SYNE1: variants seen among roughly 807,000 people sequenced by gnomAD.
SYNE1 encodes nesprin-1.
Under a neutral mutation model 1,111.0 loss-of-function variants are expected in SYNE1, and 616 were observed. The observed-to-expected ratio is 0.55, with a 90% CI of 0.52 to 0.59. SYNE1 has a LOEUF of 0.59. Ranked by LOEUF, SYNE1 falls within the 20% of genes least tolerant of loss-of-function variation. The probability of loss-of-function intolerance (pLI) is 0.00; values close to 1 mark genes in which losing one functional copy is unlikely to be tolerated. For synonymous variants in SYNE1, 3,855 were observed against 3,825.8 expected, an observed-to-expected ratio of 1.01 and a Z score of -0.28; for missense variants, 10,006 against 10,417.0, an observed-to-expected ratio of 0.96 and a Z score of 1.72.
chr6:152,493,747 G>A (rs1454997430), intron 11 of SYNE1, among the ~76,000 whole-genome samples: 3 of 151,668 alleles, frequency 2.0e-5, no homozygotes, highest in East Asian at 1.9e-4. Flanking sequence ...CCTGTTGATC[G>A]TGTCCGGCTA....
chr6:152,196,287 G>A (rs964148921), intron 127 of SYNE1, among the ~76,000 whole-genome samples: 1 of 152,046 alleles, frequency 6.6e-6, no homozygotes, highest in Non-Finnish European at 1.5e-5. Context: ...TGCTATGCTG[G>A]TACCTAAGTT....
intron 126 of SYNE1, among the ~76,000 whole-genome samples, 194 bp from the exon 127 acceptor site, chr6:152,202,143 T>A (rs1300408813): frequency 2.6e-5 from 4 of 151,748 alleles, no homozygotes; most frequent in Non-Finnish European, 5.9e-5. Context: ...GGTCAGGAGT[T>A]TGTAACCAGT....
chr6:152,282,562 C>T (rs2094100042), intron 96 of SYNE1, among the ~76,000 whole-genome samples: 1 of 151,908 alleles, frequency 6.6e-6, no homozygotes, highest in South Asian at 2.1e-4. Context: ...AAAAAAAAAT[C>T]GACGTCAATC....
Position 152,412,251 on chromosome 6 carries a change from C to T in SYNE1, c.6230+1101G>A, listed in dbSNP as rs148311123. ...CCTGGCTAACACGGTGAAACCCCAT[C>T]TCTACTAAAAATACAAAAAAAAATT... is the stretch of plus-strand genomic sequence containing the variant. On this transcript the variant is annotated intron_variant, in intron 42 of 145. Transcript: ENST00000367255. Among the ~76,000 whole-genome samples, 465 of 151,904 alleles carry T rather than the reference C, an allele frequency of 3.1e-3. 2 individuals carry two copies. Among genetic ancestry groups the T allele is most frequent in the Non-Finnish European group, 5.3e-3 (362 of 67,942 alleles).
rs1158056596 is a variant in SYNE1 at position 152,430,635 on chromosome 6, C to T, written c.4536G>A (p.Gln1512=). The T allele has an allele frequency of 6.2e-7, 1 of 1,614,142 alleles. No homozygotes were observed. The highest frequency in any genetic ancestry group is 1.7e-5 in the Admixed American group (1 of 60,024). ...GLEEEAQSFA[Q]FVTTGESARI... ...GAGCAGATTCTCCAGTGGTAACAAA[C>T]TGAGCAAAAGACTGGGCTTCTTCTT... Residue 1512 remains glutamine, a synonymous_variant, in exon 35 of 146, where the codon CAG becomes CAA. Coordinates refer to ENST00000367255, the MANE Select transcript of SYNE1 (RefSeq NM_182961.4).
intron 121 of SYNE1, among the ~76,000 whole-genome samples, chr6:152,217,766 C>T (rs750346235): frequency 2.0e-5 from 3 of 151,872 alleles, no homozygotes; most frequent in Non-Finnish European, 4.4e-5. Flanking sequence ...TGGTTTCCAG[C>T]GGTGGAAAGA....
chr6:152,603,841 C>CTATA (rs2099602382), intron 3 of SYNE1, among the ~76,000 whole-genome samples: 1 of 133,640 alleles, frequency 7.5e-6, no homozygotes, highest in Non-Finnish European at 1.6e-5. Flanking sequence ...TACTATCTAT[C>CTATA]TATACATATA....
At chr6:152,537,755 C>T (rs147143455) in intron 4 of SYNE1, among the ~76,000 whole-genome samples, 2,237 of 152,142 alleles carry the variant, frequency 0.015, 41 homozygotes, top group African/African-American at 0.046. Context: ...AATTGAATAC[C>T]CTTTATTTCT....
intron 93 of SYNE1, among the ~76,000 whole-genome samples, chr6:152,296,824 C>T (rs769778439): frequency 6.6e-6 from 1 of 151,544 alleles, no homozygotes; most frequent in Non-Finnish European, 1.5e-5. Context: ...GGAGACATTG[C>T]CTCATTTATG....
intron 107 of SYNE1, among the ~76,000 whole-genome samples, 155 bp from the exon 108 acceptor site, chr6:152,239,861 C>T (rs1252850381): frequency 6.6e-6 from 1 of 152,172 alleles, no homozygotes; most frequent in African/African-American, 2.4e-5. Context: ...GAGCTCAAGA[C>T]CAGCCTGGCC....
At chr6:152,154,427 G>C (rs2060981328) in intron 133 of SYNE1, among the ~76,000 whole-genome samples, 1 of 148,064 alleles carries the variant, frequency 6.8e-6, no homozygotes, top group Non-Finnish European at 1.5e-5. Context: ...CCATTCTAGA[G>C]TCAACTCTTT....
chr6:152,474,133 G>A (rs2098822374), intron 14 of SYNE1, among the ~76,000 whole-genome samples: 1 of 151,736 alleles, frequency 6.6e-6, no homozygotes, highest in Non-Finnish European at 1.5e-5. Flanking sequence ...CGCAGTGAGG[G>A]AAGATCACAC....
intron 80 of SYNE1, 54 bp downstream of exon 80, chr6:152,325,904 G>A: frequency 1.3e-6 from 2 of 1,597,978 alleles, no homozygotes; most frequent in Non-Finnish European, 1.7e-6. Context: ...ATGTTGCAAA[G>A]ACTCATTATA....
chr6:152,168,005 G>A (rs769806466), intron 130 of SYNE1: 2 of 779,188 alleles, frequency 2.6e-6, no homozygotes, highest in Non-Finnish European at 4.8e-6. Context: ...TCCTCTTCAT[G>A]TAACATTGGC....
At chr6:152,596,504 C>T (rs899278412) in intron 3 of SYNE1, among the ~76,000 whole-genome samples, 3 of 152,138 alleles carry the variant, frequency 2.0e-5, no homozygotes, top group African/African-American at 7.2e-5. Flanking sequence ...GATCCGCCCG[C>T]CTTGGCCTCC....
At chr6:152,587,771 G>A (rs116540351) in intron 3 of SYNE1, among the ~76,000 whole-genome samples, 3,320 of 152,284 alleles carry the variant, frequency 0.022, 129 homozygotes, top group African/African-American at 0.076. Context: ...GCAGCATTAT[G>A]TGTTTCCATT....
intron 3 of SYNE1, among the ~76,000 whole-genome samples, chr6:152,543,543 T>C (rs1485913934): frequency 6.6e-6 from 1 of 152,216 alleles, no homozygotes; most frequent in African/African-American, 2.4e-5. Context: ...GTTAAAAGTT[T>C]AATGAACAAT....
At chr6:152,248,208 C>T (rs190283530) in intron 105 of SYNE1, among the ~76,000 whole-genome samples, 267 of 152,218 alleles carry the variant, frequency 1.8e-3, no homozygotes, top group African/African-American at 6.2e-3. Context: ...TGCAAACATC[C>T]CCTACAACTT....
At chr6:152,133,210 A>G (rs1457657872) in intron 143 of SYNE1, 66 bp downstream of exon 143, 6 of 1,433,800 alleles carry the variant, frequency 4.2e-6, no homozygotes, top group Non-Finnish European at 4.9e-6. Flanking sequence ...TCTAAAATGC[A>G]TGAAGATGAT....
Sources: allele counts gnomAD v4.1 joint callset (sites outside exome capture counted in the v4.1 genomes callset), GRCh38; gene constraint gnomAD v4.1.1; transcripts MANE v1.5; gene names NCBI Gene and HGNC (gene_info 2026-07-23, HGNC 2026-07-21).